METTL9: variants seen among roughly 807,000 people sequenced by gnomAD.
The protein encoded by METTL9 is protein-L-histidine N-pros-methyltransferase.
A neutral mutation model predicts 36.0 loss-of-function variants in METTL9; 10 were observed. That is an observed-to-expected ratio of 0.28 (90% CI 0.17 to 0.47). The LOEUF (loss-of-function observed/expected upper bound fraction) is 0.47. METTL9 is among the 20% of genes least tolerant of loss of function. The probability of loss-of-function intolerance (pLI) is 0.99; values close to 1 mark genes in which losing one functional copy is unlikely to be tolerated. For synonymous variants in METTL9, 175 were observed against 149.7 expected, an observed-to-expected ratio of 1.17 and a Z score of -1.23; for missense variants, 246 against 383.5, an observed-to-expected ratio of 0.64 and a Z score of 3.00.
In METTL9 at chr16:21,652,129, G is replaced by GT. The variant is rs369519815; in HGVS notation, c.752-3088dup. On this transcript the variant is annotated intron_variant, in intron 4 of 4. Transcript: ENST00000358154. ...TGGGATGGCTATTGGAGTCATGGCA[G>GT]TTTTTTTTTTCTTAAATGAAAAGTA... The GT allele has an allele frequency of 1.2e-3, 186 of 150,794 alleles. 1 individual carries two copies. Among genetic ancestry groups the GT allele is most frequent in the South Asian group, 3.3e-3 (16 of 4,900 alleles). The allele number at this position is 150,794 out of a possible 1,614,324, so 9.3% of individuals were successfully genotyped here.
intron 3 of METTL9, among the ~76,000 whole-genome samples, chr16:21,619,587 A>ATTTTTTTTTTTTTTTTTTTTTTTT (rs35728063): frequency 8.0e-6 from 1 of 124,224 alleles, no homozygotes; most frequent in Non-Finnish European, 1.7e-5. Flanking sequence ...TGCCCGGCTA[A>ATTTTTTTTTTTTTTTTTTTTTTTT]TTTTTTTTTT....
intron 4 of METTL9, among the ~76,000 whole-genome samples, chr16:21,650,078 T>C (rs540456644): frequency 6.6e-6 from 1 of 152,208 alleles, no homozygotes; most frequent in East Asian, 1.9e-4. Context: ...AGCCCAGGAA[T>C]TCCAGGCTGC....
chr16:21,619,846 T>A (rs1965651278), intron 3 of METTL9, among the ~76,000 whole-genome samples: 1 of 152,134 alleles, frequency 6.6e-6, no homozygotes, highest in Non-Finnish European at 1.5e-5. Context: ...CTCTGTGATA[T>A]TTTTGGAAGT....
At chr16:21,598,352 CAA>C (rs1161878357), upstream of METTL9, among the ~76,000 whole-genome samples, 32 of 59,142 alleles carry the variant, frequency 5.4e-4, no homozygotes, top group Non-Finnish European at 5.7e-4. Flanking sequence ...CACTCCGTTT[CAA>C]AAAAAAAAAA....
At chr16:21,631,851 C>T (rs764442661) in intron 4 of METTL9, among the ~76,000 whole-genome samples, 4 of 152,194 alleles carry the variant, frequency 2.6e-5, no homozygotes, top group Non-Finnish European at 4.4e-5. Flanking sequence ...TTTAACTTTA[C>T]CCTGGCTTTT....
intron 4 of METTL9, among the ~76,000 whole-genome samples, chr16:21,638,129 C>G (rs1966153108): frequency 6.6e-6 from 1 of 152,082 alleles, no homozygotes; most frequent in African/African-American, 2.4e-5. Flanking sequence ...ACCAGCCTGG[C>G]CAACAGAGTG....
intron 3 of METTL9, among the ~76,000 whole-genome samples, chr16:21,621,355 C>G (rs1465196790): frequency 6.6e-6 from 1 of 150,532 alleles, no homozygotes; most frequent in African/African-American, 2.4e-5. Context: ...GAGACAAAGT[C>G]TCGCTCCATC....
At chr16:21,643,567 ATTTC>A in intron 4 of METTL9, 2 of 1,607,018 alleles carry the variant, frequency 1.2e-6, no homozygotes, top group Non-Finnish European at 1.7e-6. Flanking sequence ...GTCTTCTTTT[ATTTC>A]TTTGTTTCTT....
chr16:21,621,733 T>A (rs1363292709), intron 3 of METTL9, among the ~76,000 whole-genome samples: 1 of 152,166 alleles, frequency 6.6e-6, no homozygotes, highest in Non-Finnish European at 1.5e-5. Context: ...ATTGTAAAAC[T>A]AAAGGATGTG....
At position 21,655,251 on chromosome 16, in the gene METTL9, C is replaced by T. The variant is rs1328392313; in HGVS notation, c.776C>T (p.Ser259Leu). ...ENVGGKWEKPSEILEIKGQNW... is the reference protein window; with the variant it reads ...ENVGGKWEKPLEILEIKGQNW... ...GTAGGTGGCAAGTGGGAGAAACCAT[C>T]AGAAATTTTGGAAATCAAAGGACAG... is the stretch of plus-strand genomic sequence containing the variant. The change falls in exon 5 of 5, where the codon TCA becomes TTA. Residue 259 changes from serine to leucine, a missense_variant. Around this residue, in one of 2 missense-constraint regions of METTL9, gnomAD observed 146 missense variants for 302.1 expected, o/e 0.48. Coordinates refer to ENST00000358154, the MANE Select transcript of METTL9 (RefSeq NM_016025.5). 1.9e-6 allele frequency: 3 copies of T among 1,614,012 alleles called. No individual in the cohort carries two copies. The highest frequency in any genetic ancestry group is 1.1e-5 in the South Asian group (1 of 91,080).
At chr16:21,599,364 G>A, upstream of METTL9, 1 of 1,031,664 alleles carries the variant, frequency 9.7e-7, no homozygotes, top group Non-Finnish European at 1.2e-6. This position sits in a 1 kb window ranked among gnomAD's most constrained non-coding sequence, Gnocchi z 4.4. Flanking sequence ...TAGAGGCCAA[G>A]GCAGGGCCGG....
Position 21,625,128 on chromosome 16 carries a change from A to C in METTL9, c.751+13A>C. On this transcript the variant is annotated intron_variant, in intron 4 of 4. Transcript: ENST00000358154. Reference sequence around the variant, plus strand: ...TATGTGGAAAACGGTAAGTGTGGTCAGTCAGGCTAGCTCTTACTGAGGATA... The same window carrying C: ...TATGTGGAAAACGGTAAGTGTGGTCCGTCAGGCTAGCTCTTACTGAGGATA... The C allele has an allele frequency of 6.2e-7, 1 of 1,613,314 alleles. No individual in the cohort carries two copies. Among genetic ancestry groups the C allele is most frequent in the Non-Finnish European group, 8.5e-7 (1 of 1,179,334 alleles).
At chr16:21,599,568 C>T (rs374375077), upstream of METTL9, 193 of 1,286,112 alleles carry the variant, frequency 1.5e-4, 4 homozygotes, top group East Asian at 1.8e-3. The surrounding 1 kb of genome is among the most constrained non-coding windows in gnomAD (Gnocchi z 4.4). Flanking sequence ...GGCTGCGCGC[C>T]GGCTGCTCCT....
intron 4 of METTL9, among the ~76,000 whole-genome samples, chr16:21,649,059 C>T (rs531155305): frequency 7.2e-5 from 11 of 152,180 alleles, no homozygotes; most frequent in South Asian, 4.1e-4. Flanking sequence ...GGTGCAATCA[C>T]GGCACACTGC....
At chr16:21,632,951 A>G (rs554333079) in intron 4 of METTL9, among the ~76,000 whole-genome samples, 1 of 152,128 alleles carries the variant, frequency 6.6e-6, no homozygotes, top group Non-Finnish European at 1.5e-5. Flanking sequence ...AGCTTATACT[A>G]GGGCCTGCTT....
chr16:21,602,890 C>T (rs913739708), intron 1 of METTL9, among the ~76,000 whole-genome samples: 3 of 152,182 alleles, frequency 2.0e-5, no homozygotes, highest in African/African-American at 7.2e-5. Context: ...AACTCCTGAC[C>T]TCAAGTGATC....
In METTL9 at chr16:21,651,467, A is replaced by T. The variant is rs534233036; in HGVS notation, c.752-3760A>T. ...AGTGCAGGTGCCATCACGCCCAGCT[A>T]TTTTTTTTTCTTGTGTAGAAATGGG... On this transcript the variant is annotated intron_variant, in intron 4 of 4. Transcript: ENST00000358154. Among the ~76,000 whole-genome samples, 5 of 150,038 alleles carry T rather than the reference A, an allele frequency of 3.3e-5. No homozygotes were observed. The East Asian group carries it at 9.8e-4, about 30-fold the overall frequency.
rs1259797936 is a variant in METTL9, at chr16:21,656,184, C to G, written c.*752C>G. The G allele has an allele frequency of 1.2e-4, 14 of 120,022 alleles. No homozygotes were observed. The highest frequency in any genetic ancestry group is 4.4e-4 in the African/African-American group (14 of 32,046). 7.4% of individuals were successfully genotyped at this position (120,022 alleles called of 1,614,324 possible). On this transcript the variant is annotated 3_prime_UTR_variant, in exon 5 of 5. Transcript: ENST00000358154. The stretch of plus-strand genomic sequence containing the variant: ...ACAGAACTTCAGGGACCCCTCCCCC[C>G]ACCCCCCCAGTTAATGCTGCTGTGA...
At chr16:21,612,910 A>G in intron 2 of METTL9, 75 bp downstream of exon 2, 4 of 1,330,864 alleles carry the variant, frequency 3.0e-6, no homozygotes, top group Non-Finnish European at 4.0e-6. Context: ...AAGAAAAGTT[A>G]TCTTGTTCAG....
Sources: allele counts gnomAD v4.1 joint callset (sites outside exome capture counted in the v4.1 genomes callset), GRCh38; gene constraint gnomAD v4.1.1; regional missense constraint gnomAD v4.1.1; non-coding constraint Gnocchi (gnomAD v3.1); transcripts MANE v1.5; gene names NCBI Gene and HGNC (gene_info 2026-07-23, HGNC 2026-07-21).